Variants in COTL1 observed in about 807,000 individuals in gnomAD.
COTL1 encodes coactosin like F-actin binding protein 1, also known as coactosin-like protein.
Under a neutral mutation model 16.5 loss-of-function variants are expected in COTL1, and 15 were observed. The observed-to-expected ratio is 0.91, with a 90% CI of 0.61 to 1.40. The LOEUF is 1.40. Among genes scored for constraint, COTL1 ranks in the 40% most tolerant of loss-of-function variants. COTL1 has a pLI of 0.00. For synonymous variants in COTL1, 112 were observed against 85.3 expected (o/e 1.31, Z -1.73); for missense variants, 220 against 201.5 (o/e 1.09, Z -0.56).
At chr16:84,580,570 T>G (rs1429104431) in intron 3 of COTL1, among the ~76,000 whole-genome samples, 1 of 152,156 alleles carries the variant, frequency 6.6e-6, no homozygotes, top group African/African-American at 2.4e-5. Context: ...CTTTTGAGTT[T>G]CAGATCTTCC....
chr16:84,573,072 A>G (rs1904367837), intron 3 of COTL1, among the ~76,000 whole-genome samples: 1 of 152,248 alleles, frequency 6.6e-6, no homozygotes, highest in African/African-American at 2.4e-5. Flanking sequence ...TCAATTTGCT[A>G]CTAGCCACAT....
intron 2 of COTL1, among the ~76,000 whole-genome samples, chr16:84,615,300 C>T (rs373572764): frequency 9.9e-5 from 15 of 152,246 alleles, no homozygotes; most frequent in South Asian, 2.1e-4. Context: ...TCGCCAGACA[C>T]GCGCCACTCC....
chr16:84,600,098 G>C (rs1002129381), intron 2 of COTL1, among the ~76,000 whole-genome samples: 3 of 152,182 alleles, frequency 2.0e-5, no homozygotes, highest in African/African-American at 7.2e-5. Context: ...TCATTACTAA[G>C]AGGCCTGATA....
chr16:84,610,753 T>C (rs1304421997), intron 2 of COTL1, among the ~76,000 whole-genome samples: 3 of 151,894 alleles, frequency 2.0e-5, no homozygotes, highest in Non-Finnish European at 2.9e-5. Context: ...AATCTCTACA[T>C]CTCTCTCTGT....
At chr16:84,617,088 G>C (rs1401698892) in intron 2 of COTL1, among the ~76,000 whole-genome samples, 1 of 152,192 alleles carries the variant, frequency 6.6e-6, no homozygotes, top group Non-Finnish European at 1.5e-5. Flanking sequence ...CGGGAGAAAG[G>C]AGGGCGCGGC....
At chr16:84,573,432 C>T (rs1328347208) in intron 3 of COTL1, among the ~76,000 whole-genome samples, 2 of 152,194 alleles carry the variant, frequency 1.3e-5, no homozygotes, top group East Asian at 1.9e-4. Flanking sequence ...TGGACATCTG[C>T]GCCATGTCCA....
rs533475033 is a variant in COTL1, at chr16:84,590,327, G to A, written c.161-65C>T. 5 of 1,573,120 alleles carry A rather than the reference G, an allele frequency of 3.2e-6. No homozygotes were observed. The East Asian group carries it at 9.0e-5, about 28-fold the overall frequency. On this transcript the variant is annotated intron_variant, in intron 2 of 3. Coordinates refer to ENST00000262428, the MANE Select transcript of COTL1 (RefSeq NM_021149.5). The surrounding 1 kb of genome is among the most constrained non-coding windows in gnomAD (Gnocchi z 5.5). Reference sequence around the variant, plus strand: ...AAACACCCCCATGTCATGTCCCTGGGGAGAGGCTGTGAGCCACGAGTGCGC... The same window carrying A: ...AAACACCCCCATGTCATGTCCCTGGAGAGAGGCTGTGAGCCACGAGTGCGC...
chr16:84,567,587 C>G (rs1355534301), intron 3 of COTL1: 2 of 152,408 alleles, frequency 1.3e-5, no homozygotes, highest in Non-Finnish European at 2.9e-5. Flanking sequence ...CTGGGTCTGC[C>G]ATGGGCTCTC....
intron 2 of COTL1, among the ~76,000 whole-genome samples, chr16:84,609,846 T>C (rs189397473): frequency 6.6e-6 from 1 of 152,316 alleles, no homozygotes; most frequent in East Asian, 1.9e-4. Context: ...TTTGCCATGA[T>C]TGTAAGTTTC....
chr16:84,578,247 C>T (rs1024145070), intron 3 of COTL1, among the ~76,000 whole-genome samples: 1 of 152,174 alleles, frequency 6.6e-6, no homozygotes, highest in Non-Finnish European at 1.5e-5. Context: ...TATTCCTCAG[C>T]CACATCCATG....
At position 84,584,030 on chromosome 16, in the gene COTL1, G is replaced by A. The variant is rs74036328; in HGVS notation, c.318+6075C>T. Among the ~76,000 whole-genome samples the A allele has an allele frequency of 8.4e-3, 1,275 of 152,328 alleles. 18 individuals are homozygous for A. The highest frequency in any genetic ancestry group is 0.029 in the African/African-American group (1,203 of 41,568). ...GACCAAGCATGGCTCTAAATCAAGA[G>A]AGCCTGGCCCTGGCACATCGCAGGT... On this transcript the variant is annotated intron_variant, in intron 3 of 3. Transcript: ENST00000262428.
chr16:84,570,468 CTA>C (rs917164756), intron 3 of COTL1, among the ~76,000 whole-genome samples: 2 of 137,042 alleles, frequency 1.5e-5, no homozygotes, highest in Non-Finnish European at 3.2e-5. Flanking sequence ...TTTAAAAATG[CTA>C]TGTTTCAAAC....
intron 2 of COTL1, among the ~76,000 whole-genome samples, chr16:84,611,213 T>A (rs16974276): frequency 2.6e-5 from 4 of 152,144 alleles, no homozygotes; most frequent in African/African-American, 9.7e-5. Context: ...ACCAATCAGC[T>A]CTAAAATCTG....
intron 2 of COTL1, among the ~76,000 whole-genome samples, chr16:84,613,772 C>T (rs1352370566): frequency 6.6e-6 from 1 of 152,214 alleles, no homozygotes; most frequent in African/African-American, 2.4e-5. Context: ...GCATGCCATT[C>T]TTCCCTAGGA....
intron 2 of COTL1, among the ~76,000 whole-genome samples, chr16:84,607,295 A>G (rs1326927586): frequency 6.6e-6 from 1 of 152,176 alleles, no homozygotes; most frequent in Non-Finnish European, 1.5e-5. Context: ...CAGTGCAGGC[A>G]GAGGGAAGAG....
At chr16:84,610,304 C>T (rs1020442471) in intron 2 of COTL1, among the ~76,000 whole-genome samples, 2 of 152,180 alleles carry the variant, frequency 1.3e-5, no homozygotes, top group Non-Finnish European at 2.9e-5. Context: ...AAAAATATTA[C>T]TTGGCTCATG....
At chr16:84,591,611 G>A (rs1185193125) in intron 2 of COTL1, among the ~76,000 whole-genome samples, 23 of 133,988 alleles carry the variant, frequency 1.7e-4, no homozygotes, top group African/African-American at 6.1e-4. Context: ...ACCAACCTGG[G>A]CAACATGGAG....
At position 84,602,850 on chromosome 16, in the gene COTL1, CA is replaced by C. The variant is rs1443643008; in HGVS notation, c.161-12589del. On this transcript the variant is annotated intron_variant, in intron 2 of 3. Coordinates refer to ENST00000262428, the MANE Select transcript of COTL1 (RefSeq NM_021149.5). ...AGCCTGGGCGACAGAGACTTCATCT[CA>C]AAAAAAAAAAAAAGTGCATGGAAAG... Among the ~76,000 whole-genome samples the C allele has an allele frequency of 8.4e-3, 1,038 of 124,154 alleles. 10 individuals carry two copies. The highest frequency in any genetic ancestry group is 0.025 in the African/African-American group (845 of 34,164). 81.4% of individuals were successfully genotyped at this position (124,154 alleles called of 152,430 possible).
chr16:84,583,618 C>T (rs1370935272), intron 3 of COTL1, among the ~76,000 whole-genome samples: 6 of 152,084 alleles, frequency 3.9e-5, no homozygotes, highest in Non-Finnish European at 7.4e-5. Flanking sequence ...CACCATGCCC[C>T]AGCTAATTTT....
Sources: gnomAD v4.1 joint callset for allele counts (sites outside exome capture counted in the v4.1 genomes callset) on GRCh38, gnomAD v4.1.1 for gene constraint, Gnocchi (gnomAD v3.1) non-coding constraint, MANE v1.5 for transcripts, NCBI Gene and HGNC (gene_info 2026-07-23, HGNC 2026-07-21) for gene names.